Variants in CNTNAP2 observed in about 807,000 individuals in gnomAD.
CNTNAP2 encodes the protein contactin-associated protein-like 2.
A neutral mutation model predicts 155.2 loss-of-function variants in CNTNAP2; 98 were observed. The ratio of observed to expected loss-of-function variants is 0.63; its 90% confidence interval spans 0.54 to 0.75. The LOEUF is 0.75. Ranked by LOEUF, CNTNAP2 falls within the 30% of genes least tolerant of loss-of-function variation. CNTNAP2 has a pLI of 0.00. For synonymous variants in CNTNAP2, 651 were observed against 631.2 expected, an observed-to-expected ratio of 1.03 and a Z score of -0.47; for missense variants, 1,727 against 1,688.1, an observed-to-expected ratio of 1.02 and a Z score of -0.40.
chr7:146,824,194 T>A (rs1803354116), intron 2 of CNTNAP2, among the ~76,000 whole-genome samples: 1 of 152,186 alleles, frequency 6.6e-6, no homozygotes. Flanking sequence ...GCTTTATCCA[T>A]GTCCCTGCAA....
At chr7:146,919,500 T>C (rs150852341) in intron 3 of CNTNAP2, among the ~76,000 whole-genome samples, 242 of 152,316 alleles carry the variant, frequency 1.6e-3, no homozygotes, top group African/African-American at 5.5e-3. Flanking sequence ...TCCAGGCTGG[T>C]ACTGGAGAGT....
Position 148,118,195 on chromosome 7 carries a change from G to A in CNTNAP2, c.2461G>A (p.Ala821Thr), listed in dbSNP as rs375617946. ...HFSTFQGETS[A>T]DISFYFKTLT... ...CTCTACTTTCCAAGGGGAAACTAGC[G>A]CTGACATTTCTTTCTACTTCAAAAC... Residue 821 changes from alanine (A) to threonine (T), a missense_variant, in exon 16 of 24, where the codon GCT (alanine) becomes ACT (threonine). Physicochemically the swap from Ala to Thr is moderately conservative, Grantham distance 58 (BLOSUM62 0). Transcript: ENST00000361727. The A allele has an allele frequency of 1.5e-5, 25 of 1,614,114 alleles. No individual in the cohort carries two copies. Among genetic ancestry groups the A allele is most frequent in the East Asian group, 4.5e-5 (2 of 44,880 alleles).
chr7:146,675,016 A>C (rs903045086), intron 1 of CNTNAP2, among the ~76,000 whole-genome samples: 1 of 152,138 alleles, frequency 6.6e-6, no homozygotes, highest in African/African-American at 2.4e-5. Context: ...CTTATGCTAA[A>C]GTGGCATATT....
At position 146,502,054 on chromosome 7, in the gene CNTNAP2, G is replaced by C. The variant is rs570295469; in HGVS notation, c.98-272217G>C. On this transcript the variant is annotated intron_variant, in intron 1 of 23. Transcript: ENST00000361727. ...ACCACCAATCTACTCCTAACTACAT[G>C]AAGTGAATATTTTTAGCATTATATA... Among the ~76,000 whole-genome samples the C allele has an allele frequency of 5.3e-5, 8 of 151,716 alleles. No individual in the cohort carries two copies. The South Asian group carries it at 1.7e-3, about 32-fold the overall frequency.
intron 4 of CNTNAP2, among the ~76,000 whole-genome samples, chr7:147,050,099 A>C (rs1799445106): frequency 6.6e-6 from 1 of 152,182 alleles, no homozygotes; most frequent in Admixed American, 6.5e-5. Flanking sequence ...CCTCAAGTTT[A>C]GTTGAAACAA....
At chr7:147,050,201 C>G (rs1041371100) in intron 4 of CNTNAP2, among the ~76,000 whole-genome samples, 2 of 152,120 alleles carry the variant, frequency 1.3e-5, no homozygotes, top group South Asian at 4.1e-4. Context: ...AATCTTCTTA[C>G]GCGATACCAG....
chr7:147,821,600 A>T (rs1428599044), intron 13 of CNTNAP2, among the ~76,000 whole-genome samples: 1 of 152,190 alleles, frequency 6.6e-6, no homozygotes, highest in Admixed American at 6.5e-5. Context: ...CAGTGTGGTA[A>T]CTTAGGAACT....
intron 3 of CNTNAP2, among the ~76,000 whole-genome samples, chr7:146,982,227 G>C (rs753815030): frequency 1.2e-4 from 19 of 152,138 alleles, no homozygotes; most frequent in Non-Finnish European, 1.3e-4. Flanking sequence ...TTTACCCAAA[G>C]CTGTGTAAAT....
chr7:147,202,919 C>T (rs943982825), intron 8 of CNTNAP2, among the ~76,000 whole-genome samples: 2 of 151,106 alleles, frequency 1.3e-5, no homozygotes, highest in African/African-American at 4.9e-5. Flanking sequence ...GGACACATTT[C>T]CAGACTGTAG....
chr7:146,376,852 T>C (rs1194788623), intron 1 of CNTNAP2, among the ~76,000 whole-genome samples: 1 of 152,070 alleles, frequency 6.6e-6, no homozygotes, highest in African/African-American at 2.4e-5. Context: ...AGCTAAGCCC[T>C]TTTGCCCTTC....
chr7:147,941,222 T>G (rs2708261), intron 14 of CNTNAP2, among the ~76,000 whole-genome samples: 68,677 of 151,902 alleles, frequency 0.45, 16,224 homozygotes, highest in Middle Eastern at 0.68. Context: ...CTCAGGGGTG[T>G]AAGAGAGAGA....
chr7:146,316,114 G>A (rs1232364597), intron 1 of CNTNAP2, among the ~76,000 whole-genome samples: 3 of 151,830 alleles, frequency 2.0e-5, no homozygotes, highest in Admixed American at 1.3e-4. Context: ...AAGGCCATTT[G>A]CCTTCTGTAT....
chr7:146,315,208 G>A (rs1034471816), intron 1 of CNTNAP2, among the ~76,000 whole-genome samples: 3 of 152,180 alleles, frequency 2.0e-5, no homozygotes, highest in Non-Finnish European at 2.9e-5. Context: ...AGGGGCTACC[G>A]CTGCTGAGAG....
chr7:146,353,285 A>G (rs773247432), intron 1 of CNTNAP2, among the ~76,000 whole-genome samples: 2 of 152,186 alleles, frequency 1.3e-5, no homozygotes, highest in Non-Finnish European at 2.9e-5. Flanking sequence ...AGTACTTGAC[A>G]TGGCCGAACT....
chr7:148,015,566 C>A lies in CNTNAP2; in HGVS notation c.2383+37577C>A, dbSNP rs145561252. ...CCCAGATGTACAGTATGATTTGGAA[C>A]CTCCACACTATTTAGCATCCCTTAA... On this transcript the variant is annotated intron_variant, in intron 15 of 23. Coordinates refer to ENST00000361727, the MANE Select transcript of CNTNAP2 (RefSeq NM_014141.6). 5.1e-3 allele frequency among the ~76,000 whole-genome samples: 781 copies of A among 152,262 alleles called. 7 individuals are homozygous for A. The highest frequency in any genetic ancestry group is 0.017 in the African/African-American group (710 of 41,536).
At chr7:147,676,933 A>G (rs144158526) in intron 13 of CNTNAP2, among the ~76,000 whole-genome samples, 2 of 151,908 alleles carry the variant, frequency 1.3e-5, no homozygotes, top group African/African-American at 2.4e-5. Context: ...ACTTAGATTG[A>G]TTCCATCTCA....
Position 147,013,706 on chromosome 7 carries a change from CATT to C in CNTNAP2, c.403-30200_403-30198del, listed in dbSNP as rs200218370. 7.9e-3 allele frequency among the ~76,000 whole-genome samples: 1,200 copies of C among 152,202 alleles called. 9 individuals are homozygous for C. The highest frequency in any genetic ancestry group is 0.012 in the Non-Finnish European group (801 of 67,992). Reference sequence around the variant, plus strand: ...CATAATTTATTCAGAAAGTAATCATCATTGTCTTGTGACATATAAGGAAGTATT... The same window carrying C: ...CATAATTTATTCAGAAAGTAATCATCGTCTTGTGACATATAAGGAAGTATT... On this transcript the variant is annotated intron_variant, in intron 3 of 23. Coordinates refer to ENST00000361727, the MANE Select transcript of CNTNAP2 (RefSeq NM_014141.6).
At chr7:146,929,166 C>G (rs1368955425) in intron 3 of CNTNAP2, among the ~76,000 whole-genome samples, 1 of 152,156 alleles carries the variant, frequency 6.6e-6, no homozygotes, top group Admixed American at 6.5e-5. Context: ...GACCTCCGAG[C>G]AGCCTAACTG....
rs970527270 is a variant in CNTNAP2, at chr7:147,422,227, TA to T, written c.1670+26448del. Reference sequence around the variant, plus strand: ...ATATACACAATATATATACTGTATATATAGTGTGTATATAGTATACTCATAC... The same window carrying T: ...ATATACACAATATATATACTGTATATTAGTGTGTATATAGTATACTCATAC... On this transcript the variant is annotated intron_variant, in intron 10 of 23. Transcript: ENST00000361727. Among the ~76,000 whole-genome samples the T allele has an allele frequency of 4.4e-4, 65 of 148,754 alleles. No homozygotes were observed. In the East Asian group the frequency reaches 0.012, roughly 29 times the overall value.
Sources: allele counts gnomAD v4.1 joint callset (sites outside exome capture counted in the v4.1 genomes callset), GRCh38; gene constraint gnomAD v4.1.1; transcripts MANE v1.5; gene names NCBI Gene and HGNC (gene_info 2026-07-23, HGNC 2026-07-21).